The following MRPL39 variants were observed in gnomAD, a reference collection of about 807,000 sequenced individuals.
The protein encoded by MRPL39 is mitochondrial ribosomal protein L39.
In MRPL39, 35 loss-of-function variants were observed where a neutral mutation model predicts 44.5. The ratio of observed to expected loss-of-function variants is 0.79; its 90% confidence interval spans 0.60 to 1.04. The LOEUF is 1.04. MRPL39 is among the 50% of genes least tolerant of loss of function. The pLI, the probability that MRPL39 is intolerant of heterozygous loss-of-function variation, is 0.00. For missense variants in MRPL39, 433 were observed against 413.5 expected (o/e 1.05, Z -0.41); for synonymous variants, 139 against 136.1 (o/e 1.02, Z -0.15).
At chr21:25,606,420 C>G in intron 2 of MRPL39, 29 bp downstream of exon 2, 3 of 1,543,962 alleles carry the variant, frequency 1.9e-6, no homozygotes, top group Non-Finnish European at 2.6e-6. Flanking sequence ...GTAAAAGGGT[C>G]AAAACTGTAA....
chr21:25,594,052 C>A, intron 6 of MRPL39, 94 bp from the exon 7 acceptor site: 1 of 1,049,510 alleles, frequency 9.5e-7, no homozygotes, highest in Non-Finnish European at 1.4e-6. Flanking sequence ...TTCAGCCATA[C>A]TTTCTGAGAG....
chr21:25,600,488 T>C (rs1304202146), intron 4 of MRPL39, among the ~76,000 whole-genome samples: 1 of 151,918 alleles, frequency 6.6e-6, no homozygotes, highest in Non-Finnish European at 1.5e-5. Flanking sequence ...ATTTCTTTTA[T>C]ATCCCCTAAA....
At chr21:25,594,043 T>G (rs1456742677) in intron 6 of MRPL39, 85 bp from the exon 7 acceptor site, 1 of 1,113,042 alleles carries the variant, frequency 9.0e-7, no homozygotes, top group Non-Finnish European at 1.3e-6. Flanking sequence ...CTCTTCCTCT[T>G]CAGCCATACT....
At chr21:25,596,058 T>C (rs1372346507) in intron 6 of MRPL39, among the ~76,000 whole-genome samples, 1 of 152,252 alleles carries the variant, frequency 6.6e-6, no homozygotes, top group East Asian at 1.9e-4. Context: ...TGGGAAATTT[T>C]CAATGTCCAC....
In MRPL39 at chr21:25,597,272, A is replaced by G. The variant is rs779872673; in HGVS notation, c.701+30T>C. The G allele has an allele frequency of 1.1e-5, 15 of 1,378,588 alleles. 1 individual carries two copies. In the South Asian group the frequency reaches 1.8e-4, roughly 17 times the overall value. 85.4% of individuals were successfully genotyped at this position (1,378,588 alleles called of 1,614,324 possible). A position where few individuals can be genotyped will look rare whatever the true frequency, so the allele number is the denominator to read the frequency against. The stretch of plus-strand genomic sequence containing the variant: ...TATTACATATAATACTGGGAGAGTT[A>G]GCCTTGATTTAAAGAAAGCCAACAC... On this transcript the variant is annotated intron_variant, in intron 6 of 9. Coordinates refer to ENST00000352957, the MANE Select transcript of MRPL39 (RefSeq NM_017446.4).
chr21:25,606,723 G>T, intron 1 of MRPL39, 68 bp from the exon 2 acceptor site: 1 of 1,295,652 alleles, frequency 7.7e-7, no homozygotes, highest in Non-Finnish European at 1.1e-6. Context: ...AGTGCGCTCA[G>T]AGGTAAAATT....
In MRPL39 at chr21:25,606,544, G is replaced by T. The variant is rs1441821364; in HGVS notation, c.185C>A (p.Thr62Asn). The T allele has an allele frequency of 1.2e-6, 2 of 1,613,858 alleles. No homozygotes were observed. Among genetic ancestry groups the T allele is most frequent in the African/African-American group, 2.7e-5 (2 of 74,918 alleles). The change falls in exon 2 of 10, where the codon ACT (threonine) becomes AAT (asparagine). Residue 62 changes from threonine (T) to asparagine (N), a missense_variant. Thr to Asn is a moderately conservative substitution (Grantham distance 65). Transcript: ENST00000352957. Reference sequence around the variant, plus strand: ...AACATGCTTAACTTCTATCTTCTCAGTTCGGGGAGTTAATGATAACTGCCT... The same window carrying T: ...AACATGCTTAACTTCTATCTTCTCATTTCGGGGAGTTAATGATAACTGCCT... ...KARQLSLTPR[T>N]EKIEVKHVGK... is the part of the protein sequence containing the mutation.
upstream of MRPL39, among the ~76,000 whole-genome samples, chr21:25,607,845 C>T (rs952712630): frequency 6.7e-6 from 1 of 149,066 alleles, no homozygotes; most frequent in Non-Finnish European, 1.5e-5. Context: ...GCGCTTGCTT[C>T]CCTAAAAGAA....
At chr21:25,594,920 G>A (rs2031310764) in intron 6 of MRPL39, among the ~76,000 whole-genome samples, 1 of 152,194 alleles carries the variant, frequency 6.6e-6, no homozygotes, top group Middle Eastern at 3.4e-3. Flanking sequence ...AACCACCCAG[G>A]TGTCCATGTG....
At chr21:25,597,899 A>G (rs2031408452) in intron 5 of MRPL39, among the ~76,000 whole-genome samples, 1 of 152,168 alleles carries the variant, frequency 6.6e-6, no homozygotes, top group Admixed American at 6.5e-5. Flanking sequence ...TGCAAAGTAT[A>G]GCATGTCCAA....
intron 8 of MRPL39, among the ~76,000 whole-genome samples, chr21:25,589,522 AT>A (rs1333153400): frequency 6.6e-6 from 1 of 152,014 alleles, no homozygotes; most frequent in African/African-American, 2.4e-5. Context: ...GGTTCAAGCA[AT>A]TCTCCTGCCT....
chr21:25,601,079 G>T (rs184895158), intron 4 of MRPL39, among the ~76,000 whole-genome samples: 9,909 of 148,972 alleles, frequency 0.067, 443 homozygotes, highest in Non-Finnish European at 0.099. Flanking sequence ...CTGCACTCCA[G>T]CCTGGGTGAC....
chr21:25,593,321 G>A (rs2031242222), intron 7 of MRPL39, among the ~76,000 whole-genome samples: 1 of 152,192 alleles, frequency 6.6e-6, no homozygotes, highest in Admixed American at 6.5e-5. Context: ...AGGACAGATT[G>A]TGTTCAGAAA....
rs535184509 is a variant in MRPL39 at position 25,607,312 on chromosome 21, G to A, written c.73+91C>T. ...GAAACCCTCCTCCTTCCTCTGCCCCGCGGGACCTCCCCGGCCCCGCCTCAG... is the reference window on the plus strand; with the variant it reads ...GAAACCCTCCTCCTTCCTCTGCCCCACGGGACCTCCCCGGCCCCGCCTCAG... On this transcript the variant is annotated intron_variant, in intron 1 of 9. Coordinates refer to ENST00000352957, the MANE Select transcript of MRPL39 (RefSeq NM_017446.4). The A allele has an allele frequency of 1.2e-4, 171 of 1,427,338 alleles. 1 individual carries two copies. The highest frequency in any genetic ancestry group is 1.6e-4 in the Non-Finnish European group (160 of 1,020,354). The allele number at this position is 1,427,338 out of a possible 1,614,324, so 88.4% of individuals were successfully genotyped here.
intron 8 of MRPL39, among the ~76,000 whole-genome samples, chr21:25,592,415 AG>A (rs1283566512): frequency 6.6e-6 from 1 of 152,174 alleles, no homozygotes; most frequent in Non-Finnish European, 1.5e-5. Context: ...AAGATTAGCA[AG>A]GGGTGGGAGC....
rs1236721212 is a variant in MRPL39 at position 25,585,744 on chromosome 21, T to G, written c.980A>C (p.Asp327Ala). The change falls in exon 10 of 10, where the codon GAT becomes GCT. Residue 327 changes from aspartate (D) to alanine (A), a missense_variant. By Grantham distance (126) the Asp-to-Ala change is moderately radical. Coordinates refer to ENST00000352957, the MANE Select transcript of MRPL39 (RefSeq NM_017446.4). ...ACATTCCTCTGTTGCTTTACTTTGA[T>G]CTTCAGTTACCTGTAAAAACATGAA... is the stretch of plus-strand genomic sequence containing the variant. ...LERSRKMVTE[D>A]QSKATEECTS... The G allele has an allele frequency of 2.5e-6, 4 of 1,582,752 alleles. No homozygotes were observed. The East Asian group carries it at 9.1e-5, about 36-fold the overall frequency.
At chr21:25,590,866 T>G (rs889036219) in intron 8 of MRPL39, among the ~76,000 whole-genome samples, 4 of 152,204 alleles carry the variant, frequency 2.6e-5, no homozygotes, top group East Asian at 1.9e-4. Context: ...CTCTACCTGA[T>G]TTCACAGCCT....
chr21:25,595,872 T>A (rs556841813), intron 6 of MRPL39, among the ~76,000 whole-genome samples: 1 of 152,352 alleles, frequency 6.6e-6, no homozygotes, highest in South Asian at 2.1e-4. Flanking sequence ...TGACTTCACG[T>A]GTTCAGATAG....
At chr21:25,603,623 G>C (rs1396235374) in intron 3 of MRPL39, among the ~76,000 whole-genome samples, 173 bp downstream of exon 3, 2 of 152,124 alleles carry the variant, frequency 1.3e-5, no homozygotes, top group African/African-American at 2.4e-5. Flanking sequence ...GGATGCCACT[G>C]ATAAGTTCTG....
Sources: allele counts gnomAD v4.1 joint callset (sites outside exome capture counted in the v4.1 genomes callset), GRCh38; gene constraint gnomAD v4.1.1; transcripts MANE v1.5; gene names NCBI Gene and HGNC (gene_info 2026-07-23, HGNC 2026-07-21).